Variants in MAEA observed in about 807,000 individuals in gnomAD.
MAEA encodes the protein macrophage erythroblast attacher, E3 ubiquitin ligase.
In MAEA, 22 loss-of-function variants were observed where a neutral mutation model predicts 46.2. That is an observed-to-expected ratio of 0.48 (90% CI 0.34 to 0.68). The LOEUF is 0.68. Ranked by LOEUF, MAEA falls within the 30% of genes least tolerant of loss-of-function variation. The pLI is 0.01. For missense variants in MAEA, 393 were observed against 558.1 expected (o/e 0.70, Z 2.98); for synonymous variants, 246 against 222.6 (o/e 1.11, Z -0.94).
chr4:1,337,456 C>G (rs1712937304), intron 7 of MAEA: 1 of 217,342 alleles, frequency 4.6e-6, no homozygotes, highest in Admixed American at 5.5e-5. Context: ...TCTGTCCCAC[C>G]TGCGACTCAC....
At chr4:1,326,685 G>A (rs1377626881) in intron 4 of MAEA, among the ~76,000 whole-genome samples, 2 of 136,366 alleles carry the variant, frequency 1.5e-5, no homozygotes, top group East Asian at 2.3e-4. Context: ...GCCTCTCTCC[G>A]TCTTCTACAC....
intron 1 of MAEA, among the ~76,000 whole-genome samples, chr4:1,300,272 A>G (rs569536483): frequency 6.6e-6 from 1 of 152,346 alleles, no homozygotes; most frequent in South Asian, 2.1e-4. Context: ...GTGTTTCTGC[A>G]TGAAAACCGT....
intron 5 of MAEA, 23 bp from the exon 6 acceptor site, chr4:1,332,734 T>A (rs776346745): frequency 1.3e-6 from 2 of 1,587,926 alleles, no homozygotes; most frequent in South Asian, 2.2e-5. Context: ...CAAACTTAAA[T>A]GTGCCAAAAT....
At chr4:1,309,921 C>T in intron 1 of MAEA, 2 of 1,286,214 alleles carry the variant, frequency 1.6e-6, no homozygotes, top group South Asian at 5.4e-5. Context: ...GGCCCCGTTC[C>T]CGCGTAGAAC....
chr4:1,307,629 C>T (rs1735960493), intron 1 of MAEA, among the ~76,000 whole-genome samples: 1 of 152,154 alleles, frequency 6.6e-6, no homozygotes, highest in Admixed American at 6.5e-5. Flanking sequence ...GGCTGAGTCC[C>T]GCAGCAGACC....
In MAEA at chr4:1,327,623, T is replaced by C. The variant is rs751298875; in HGVS notation, c.580-4T>C. 6.2e-7 allele frequency: 1 copy of C among 1,613,122 alleles called. No homozygotes were observed. Among genetic ancestry groups the C allele is most frequent in the Admixed American group, 1.7e-5 (1 of 60,026 alleles). On this transcript the variant is annotated splice_region_variant and splice_polypyrimidine_tract_variant and intron_variant, in intron 4 of 8. Coordinates refer to ENST00000303400, the MANE Select transcript of MAEA (RefSeq NM_001017405.3). Reference sequence around the variant, plus strand: ...CTAAGCCCTCGTCTTGTCTTTGCCCTCAGAGCTGCCTGGAGTTCAGCCTCA... The same window carrying C: ...CTAAGCCCTCGTCTTGTCTTTGCCCCCAGAGCTGCCTGGAGTTCAGCCTCA...
At chr4:1,294,645 A>G (rs1375979454) in intron 1 of MAEA, among the ~76,000 whole-genome samples, 1 of 151,182 alleles carries the variant, frequency 6.6e-6, no homozygotes, top group East Asian at 2.0e-4. Flanking sequence ...GGCCCTGCAC[A>G]GTCAGGCCCT....
chr4:1,301,167 T>C (rs73071916), intron 1 of MAEA, among the ~76,000 whole-genome samples: 1 of 152,218 alleles, frequency 6.6e-6, no homozygotes, highest in East Asian at 1.9e-4. Flanking sequence ...GATGACACAC[T>C]GAAATGCGTT....
At chr4:1,336,204 C>T (rs969939587) in intron 6 of MAEA, among the ~76,000 whole-genome samples, 1 of 151,842 alleles carries the variant, frequency 6.6e-6, no homozygotes, top group African/African-American at 2.4e-5. Context: ...AGCACTCGTC[C>T]CGCAGAGTGT....
At chr4:1,332,680 G>A (rs1173661097) in intron 5 of MAEA, 77 bp from the exon 6 acceptor site, 2 of 1,103,876 alleles carry the variant, frequency 1.8e-6, no homozygotes, top group Non-Finnish European at 2.7e-6. Context: ...CTGCAGCCTG[G>A]GTGACAGAGT....
chr4:1,312,703 C>T (rs921518447), intron 2 of MAEA: 4 of 159,138 alleles, frequency 2.5e-5, no homozygotes, highest in Admixed American at 2.4e-4. Context: ...GCTGAAATTA[C>T]AGGTGTAAGC....
intron 4 of MAEA, among the ~76,000 whole-genome samples, chr4:1,326,296 G>GA (rs1240360649): frequency 1.3e-5 from 2 of 152,240 alleles, no homozygotes; most frequent in East Asian, 3.8e-4. Context: ...CAGGCCATGT[G>GA]AACCCAGAGT....
chr4:1,306,556 CGT>C (rs1735854074), intron 1 of MAEA, among the ~76,000 whole-genome samples: 1 of 151,976 alleles, frequency 6.6e-6, no homozygotes, highest in Non-Finnish European at 1.5e-5. Context: ...GCTTGCTTGT[CGT>C]AATACTGAGG....
chr4:1,322,261 G>A, intron 3 of MAEA, 120 bp from the exon 4 acceptor site: 1 of 1,361,814 alleles, frequency 7.3e-7, no homozygotes, highest in Admixed American at 1.9e-5. Context: ...GTGTGGACTG[G>A]AGATGCATCT....
intron 4 of MAEA, among the ~76,000 whole-genome samples, chr4:1,325,279 C>T (rs1257884401): frequency 6.6e-6 from 1 of 152,208 alleles, no homozygotes; most frequent in Non-Finnish European, 1.5e-5. Context: ...CTGAAGGCCC[C>T]TGAAGCAGTG....
intron 6 of MAEA, among the ~76,000 whole-genome samples, chr4:1,333,299 C>T (rs796444706): frequency 3.9e-5 from 6 of 152,018 alleles, no homozygotes; most frequent in South Asian, 2.1e-4. Context: ...CAAGATTGTG[C>T]CACTGCACTC....
intron 5 of MAEA, chr4:1,329,294 T>G: frequency 1.0e-6 from 1 of 983,120 alleles, no homozygotes; most frequent in Non-Finnish European, 1.2e-6. Context: ...GTAGGGTCTC[T>G]TTGCCTGTGT....
chr4:1,295,975 C>T (rs1734652972), intron 1 of MAEA, among the ~76,000 whole-genome samples: 1 of 61,424 alleles, frequency 1.6e-5, no homozygotes, highest in Non-Finnish European at 3.0e-5. Context: ...CCCCCTCACC[C>T]ACGTCTGCAC....
chr4:1,337,716 ACT>A (rs1450534800), intron 7 of MAEA: 3 of 166,950 alleles, frequency 1.8e-5, no homozygotes, highest in African/African-American at 7.6e-5. Flanking sequence ...CCTGTGACTG[ACT>A]CTGCCCCTGC....
Sources: gnomAD v4.1 joint callset for allele counts (sites outside exome capture counted in the v4.1 genomes callset) on GRCh38, gnomAD v4.1.1 for gene constraint, MANE v1.5 for transcripts, NCBI Gene and HGNC (gene_info 2026-07-23, HGNC 2026-07-21) for gene names.